UPRT: variants seen among roughly 807,000 people sequenced by gnomAD.
UPRT encodes uracil phosphoribosyltransferase homolog, also known as RP11-311P8.3.
A neutral mutation model predicts 22.6 loss-of-function variants in UPRT; 5 were observed. The observed-to-expected ratio is 0.22, with a 90% CI of 0.12 to 0.47. The LOEUF (loss-of-function observed/expected upper bound fraction) is 0.47. UPRT is among the 20% of genes least tolerant of loss of function. The probability of loss-of-function intolerance (pLI) is 0.99; values close to 1 mark genes in which losing one functional copy is unlikely to be tolerated. For synonymous variants in UPRT, 77 were observed against 87.7 expected (o/e 0.88, Z 0.68); for missense variants, 181 against 239.9 (o/e 0.75, Z 1.62).
At chrX:75,184,699 C>A (rs1359011460) in intron 4 of UPRT, among the ~76,000 whole-genome samples, 3 of 107,952 alleles carry the variant, frequency 2.8e-5, no homozygotes, top group African/African-American at 1.0e-4. Flanking sequence ...CTTTTATTTC[C>A]TTGAGCAGTG....
At chrX:75,187,744 A>T (rs964227785) in intron 4 of UPRT, among the ~76,000 whole-genome samples, 7 of 110,365 alleles carry the variant, frequency 6.3e-5, no homozygotes, top group African/African-American at 1.3e-4. Flanking sequence ...TTTTCTCTAA[A>T]CTTCCCTTCT....
chrX:75,272,767 G>A (rs893692085), upstream of UPRT, among the ~76,000 whole-genome samples: 8 of 109,713 alleles, frequency 7.3e-5, no homozygotes, highest in African/African-American at 2.7e-4. Context: ...ATCTGTATAG[G>A]CATGTTAAAA....
intron 1 of UPRT, among the ~76,000 whole-genome samples, chrX:75,158,703 C>T (rs2082190634): frequency 8.9e-6 from 1 of 111,871 alleles, no homozygotes. Context: ...AGAACTTATT[C>T]TCACCTCAGG....
chrX:75,296,593 T>G (rs1420182870), intron 3 of UPRT, among the ~76,000 whole-genome samples, 182 bp downstream of exon 3: 8 of 109,148 alleles, frequency 7.3e-5, no homozygotes, highest in Admixed American at 6.8e-4. Context: ...GTAGATGACT[T>G]TTTGTTAAGG....
chrX:75,269,418 T>C (rs1167531104), upstream of UPRT, among the ~76,000 whole-genome samples: 1 of 111,718 alleles, frequency 9.0e-6, no homozygotes, highest in Non-Finnish European at 1.9e-5. Context: ...ACATTTCATA[T>C]GGAACCAAAA....
chrX:75,239,066 A>C (rs138497264), intron 4 of UPRT, among the ~76,000 whole-genome samples: 880 of 111,399 alleles, frequency 7.9e-3, no homozygotes, highest in Middle Eastern at 0.014. Flanking sequence ...GAGAAACAAG[A>C]ACAAATCAAA....
At chrX:75,205,733 G>C (rs1260993631) in intron 4 of UPRT, among the ~76,000 whole-genome samples, 3 of 111,933 alleles carry the variant, frequency 2.7e-5, no homozygotes, top group Non-Finnish European at 5.6e-5. Flanking sequence ...ACAGGGAGGA[G>C]TGTTTGGAGG....
upstream of UPRT, among the ~76,000 whole-genome samples, chrX:75,271,615 C>T (rs2082608301): frequency 1.8e-5 from 2 of 112,079 alleles, no homozygotes; most frequent in Non-Finnish European, 3.8e-5. Context: ...AACACAAAAG[C>T]AAATGCAATA....
intron 4 of UPRT, among the ~76,000 whole-genome samples, chrX:75,168,989 C>T (rs1005005395): frequency 1.8e-5 from 2 of 111,921 alleles, no homozygotes; most frequent in Non-Finnish European, 3.8e-5. Flanking sequence ...CCTTTGCATC[C>T]TTATAGCTTA....
At chrX:75,219,351 A>G (rs924142036) in intron 4 of UPRT, among the ~76,000 whole-genome samples, 4 of 112,404 alleles carry the variant, frequency 3.6e-5, no homozygotes, top group Admixed American at 1.9e-4. Context: ...TGTGAATTCC[A>G]TACTGTATTA....
At chrX:75,280,172 T>C (rs1602489459) in intron 1 of UPRT, among the ~76,000 whole-genome samples, 2 of 110,286 alleles carry the variant, frequency 1.8e-5, no homozygotes. Flanking sequence ...AGATTCTGGA[T>C]ATTAGTCCTT....
At chrX:75,180,957 A>G (rs934740943) in intron 4 of UPRT, among the ~76,000 whole-genome samples, 5 of 109,570 alleles carry the variant, frequency 4.6e-5, no homozygotes, top group South Asian at 7.8e-4. Context: ...CCTGAATGGT[A>G]TTGCCTAGAT....
chrX:75,230,477 A>G (rs932767277), intron 4 of UPRT, among the ~76,000 whole-genome samples: 1 of 111,746 alleles, frequency 8.9e-6, no homozygotes, highest in East Asian at 2.8e-4. Context: ...TGAAAGCATC[A>G]CCTGCTGGCT....
At chrX:75,185,119 C>T (rs912788948) in intron 4 of UPRT, among the ~76,000 whole-genome samples, 12 of 111,632 alleles carry the variant, frequency 1.1e-4, no homozygotes, top group African/African-American at 3.3e-4. Flanking sequence ...GGGAATGCTC[C>T]GAGGTTTTGC....
chrX:75,233,490 T>G (rs922312023), intron 4 of UPRT, among the ~76,000 whole-genome samples: 1 of 109,726 alleles, frequency 9.1e-6, no homozygotes, highest in Non-Finnish European at 1.9e-5. Flanking sequence ...ATTGTCAGAT[T>G]CACCAAAGTT....
At chrX:75,229,940 C>G (rs764342586) in intron 4 of UPRT, among the ~76,000 whole-genome samples, 6 of 112,353 alleles carry the variant, frequency 5.3e-5, no homozygotes, top group Admixed American at 4.7e-4. Context: ...GAAGCCACAG[C>G]AGAAGTTGCA....
chrX:75,158,423 A>T (rs772672631), intron 1 of UPRT, among the ~76,000 whole-genome samples: 1 of 112,349 alleles, frequency 8.9e-6, no homozygotes, highest in African/African-American at 3.2e-5. Context: ...GTAACTTACA[A>T]TCCGCTTTGT....
intron 4 of UPRT, among the ~76,000 whole-genome samples, chrX:75,195,357 G>A (rs2082329960): frequency 8.9e-6 from 1 of 112,459 alleles, no homozygotes; most frequent in Non-Finnish European, 1.9e-5. Flanking sequence ...TGCTCAGGTT[G>A]AACTGGCACC....
chrX:75,251,671 T>C (rs367682401), intron 4 of UPRT, among the ~76,000 whole-genome samples: 5 of 111,403 alleles, frequency 4.5e-5, no homozygotes, highest in African/African-American at 9.8e-5. Context: ...CCATCCCCAT[T>C]AAGCTACCAA....
Sources: allele counts gnomAD v4.1 joint callset (sites outside exome capture counted in the v4.1 genomes callset), GRCh38; gene constraint gnomAD v4.1.1; transcripts MANE v1.5; gene names NCBI Gene and HGNC (gene_info 2026-07-23, HGNC 2026-07-21).